PHTF2: variants seen among roughly 807,000 people sequenced by gnomAD.
The protein encoded by PHTF2 is protein PHTF2.
Under a neutral mutation model 101.2 loss-of-function variants are expected in PHTF2, and 60 were observed. The ratio of observed to expected loss-of-function variants is 0.59; its 90% CI spans 0.48 to 0.73. The LOEUF is 0.73. Ranked by LOEUF, PHTF2 falls within the 30% of genes least tolerant of loss-of-function variation. The probability of loss-of-function intolerance (pLI) is 0.00; values close to 1 mark genes in which losing one functional copy is unlikely to be tolerated. For synonymous variants in PHTF2, 311 were observed against 307.3 expected, an observed-to-expected ratio of 1.01 and a Z score of -0.13; for missense variants, 747 against 908.7, an observed-to-expected ratio of 0.82 and a Z score of 2.29.
At chr7:77,874,757 T>C (rs887230976) in intron 3 of PHTF2, among the ~76,000 whole-genome samples, 26 of 152,352 alleles carry the variant, frequency 1.7e-4, no homozygotes, top group African/African-American at 5.5e-4. Context: ...CTTTGTATCC[T>C]TCAATCCAGT....
intron 1 of PHTF2, among the ~76,000 whole-genome samples, chr7:77,836,433 A>G (rs983708291): frequency 6.6e-6 from 1 of 152,186 alleles, no homozygotes; most frequent in African/African-American, 2.4e-5. Context: ...GGCAGACTTA[A>G]CATACCATCT....
intron 1 of PHTF2, among the ~76,000 whole-genome samples, chr7:77,822,753 G>A (rs1181648889): frequency 1.3e-5 from 2 of 151,984 alleles, no homozygotes; most frequent in African/African-American, 4.8e-5. Context: ...CCAGTTTCTC[G>A]CTGCACCCTA....
chr7:77,889,618 G>A (rs1275125314), intron 3 of PHTF2, among the ~76,000 whole-genome samples: 1 of 134,858 alleles, frequency 7.4e-6, no homozygotes, highest in Non-Finnish European at 1.5e-5. Context: ...TTGAGACGGA[G>A]TCTTGCTCTG....
intron 1 of PHTF2, among the ~76,000 whole-genome samples, chr7:77,809,321 G>T (rs1000859637): frequency 6.8e-5 from 10 of 146,446 alleles, no homozygotes; most frequent in African/African-American, 2.6e-5. Context: ...CCGCCTCCCG[G>T]CTTCAAATGA....
At chr7:77,881,678 C>CT (rs921300638) in intron 3 of PHTF2, among the ~76,000 whole-genome samples, 2 of 152,186 alleles carry the variant, frequency 1.3e-5, no homozygotes, top group East Asian at 3.9e-4. Context: ...GCCAAATGGC[C>CT]TTTTTTCAAA....
chr7:77,895,688 A>G (rs1800815008), intron 5 of PHTF2, among the ~76,000 whole-genome samples: 1 of 152,086 alleles, frequency 6.6e-6, no homozygotes, highest in Admixed American at 6.5e-5. Flanking sequence ...CCTCTTTTTT[A>G]AAAGAACTCT....
At chr7:77,842,199 A>G (rs937648808) in intron 2 of PHTF2, among the ~76,000 whole-genome samples, 5 of 152,038 alleles carry the variant, frequency 3.3e-5, no homozygotes, top group South Asian at 4.1e-4. Flanking sequence ...ATATTCTATT[A>G]TATATATATT....
chr7:77,848,132 C>T (rs1796455659), intron 2 of PHTF2, among the ~76,000 whole-genome samples: 1 of 152,122 alleles, frequency 6.6e-6, no homozygotes, highest in African/African-American at 2.4e-5. Context: ...AGGTTGGTTC[C>T]AAATCTTGGT....
At chr7:77,840,684 T>C (rs543688059) in intron 2 of PHTF2, among the ~76,000 whole-genome samples, 1 of 152,166 alleles carries the variant, frequency 6.6e-6, no homozygotes, top group Non-Finnish European at 1.5e-5. Flanking sequence ...AGCTGAATGT[T>C]TCAGTAAAAT....
At chr7:77,844,795 G>T (rs1285798494) in intron 2 of PHTF2, among the ~76,000 whole-genome samples, 1 of 152,192 alleles carries the variant, frequency 6.6e-6, no homozygotes, top group Non-Finnish European at 1.5e-5. Context: ...AAAGTGCTGG[G>T]ATTACAGGCA....
At chr7:77,851,599 A>ATTT (rs199811713) in intron 2 of PHTF2, among the ~76,000 whole-genome samples, 1 of 128,244 alleles carries the variant, frequency 7.8e-6, no homozygotes, top group Non-Finnish European at 1.7e-5. Context: ...TTCTGCTCTG[A>ATTT]TTTTTTTTTT....
At chr7:77,805,874 A>G (rs1487919173) in intron 1 of PHTF2, among the ~76,000 whole-genome samples, 2 of 152,212 alleles carry the variant, frequency 1.3e-5, no homozygotes, top group Non-Finnish European at 2.9e-5. Context: ...GGATGGAATA[A>G]TTTATAAATG....
At chr7:77,815,858 G>A (rs1793810552) in intron 1 of PHTF2, among the ~76,000 whole-genome samples, 1 of 152,062 alleles carries the variant, frequency 6.6e-6, no homozygotes. Context: ...TACTATTGCT[G>A]TCTGCTGTCT....
chr7:77,947,557 A>G (rs1367718565), intron 16 of PHTF2, among the ~76,000 whole-genome samples: 2 of 152,000 alleles, frequency 1.3e-5, no homozygotes, highest in Non-Finnish European at 2.9e-5. Flanking sequence ...AGTGAGACTC[A>G]GTCTCAAAAA....
At chr7:77,824,667 G>A (rs1029052482) in intron 1 of PHTF2, among the ~76,000 whole-genome samples, 5 of 152,210 alleles carry the variant, frequency 3.3e-5, no homozygotes, top group African/African-American at 4.8e-5. Context: ...TGATCTGCCC[G>A]CCTTGGCCTC....
intron 9 of PHTF2, among the ~76,000 whole-genome samples, chr7:77,918,702 A>AT (rs1178726685): frequency 1.3e-5 from 2 of 151,786 alleles, no homozygotes; most frequent in South Asian, 4.2e-4. Context: ...TTTATTTTCT[A>AT]TTTTTTGCCC....
chr7:77,951,420 TA>T (rs888380082), intron 17 of PHTF2, among the ~76,000 whole-genome samples, 196 bp from the exon 17 acceptor site: 1 of 152,210 alleles, frequency 6.6e-6, no homozygotes, highest in Non-Finnish European at 1.5e-5. Flanking sequence ...GGCTTTTGAT[TA>T]CATTTCAAAA....
intron 3 of PHTF2, among the ~76,000 whole-genome samples, chr7:77,884,014 G>A (rs902466089): frequency 2.0e-5 from 3 of 152,142 alleles, no homozygotes; most frequent in African/African-American, 7.2e-5. Context: ...TTATACGGAG[G>A]TTGAGAGGTC....
chr7:77,914,056 A>G (rs1802661835), intron 9 of PHTF2, among the ~76,000 whole-genome samples: 1 of 142,748 alleles, frequency 7.0e-6, no homozygotes, highest in South Asian at 2.3e-4. Context: ...ACAGAGCTGG[A>G]CTCTGTCTCA....
Sources: allele counts gnomAD v4.1 joint callset (sites outside exome capture counted in the v4.1 genomes callset), GRCh38; gene constraint gnomAD v4.1.1; transcripts MANE v1.5; gene names NCBI Gene and HGNC (gene_info 2026-07-23, HGNC 2026-07-21).